SYK: variants seen among roughly 807,000 people sequenced by gnomAD.
The protein encoded by SYK is tyrosine-protein kinase SYK.
Under a neutral mutation model 77.8 loss-of-function variants are expected in SYK, and 16 were observed. That is an observed-to-expected ratio of 0.21 (90% CI 0.14 to 0.31). SYK has a LOEUF of 0.31. Ranked by LOEUF, SYK falls within the 10% of genes least tolerant of loss-of-function variation. The pLI is 1.00. For synonymous variants in SYK, 312 were observed against 308.7 expected (o/e 1.01, Z -0.11); for missense variants, 529 against 814.4 (o/e 0.65, Z 4.26).
intron 5 of SYK, 134 bp downstream of exon 5, chr9:90,864,801 G>A (rs546968203): frequency 1.4e-5 from 11 of 778,954 alleles, no homozygotes; most frequent in East Asian, 5.2e-5. Flanking sequence ...TGATATCAGA[G>A]CACTCCGATT....
chr9:90,865,042 A>G lies in SYK; in HGVS notation c.797-6A>G. ...AGCAGTAATTGTCCATGCTCTCTCT[A>G]ACCAGGAAATGTTAATTTTGGAGGC... On this transcript the variant is annotated splice_polypyrimidine_tract_variant and splice_region_variant and intron_variant, in intron 5 of 13. Coordinates refer to ENST00000375754, the MANE Select transcript of SYK (RefSeq NM_003177.7). 1.2e-6 allele frequency: 2 copies of G among 1,614,092 alleles called. No homozygotes were observed. The highest frequency in any genetic ancestry group is 1.7e-6 in the Non-Finnish European group (2 of 1,179,952).
At chr9:90,851,583 C>T (rs1452884536) in intron 3 of SYK, among the ~76,000 whole-genome samples, 2 of 152,026 alleles carry the variant, frequency 1.3e-5, no homozygotes, top group Non-Finnish European at 2.9e-5. Flanking sequence ...CTCCAGCCCA[C>T]GTTTGGTGGG....
chr9:90,873,400 A>G (rs888579118), intron 7 of SYK, among the ~76,000 whole-genome samples: 1 of 152,210 alleles, frequency 6.6e-6, no homozygotes, highest in Non-Finnish European at 1.5e-5. Context: ...TTTAGTAGCA[A>G]GAATCTTGTT....
chr9:90,875,949 A>G (rs1041121714), intron 9 of SYK, among the ~76,000 whole-genome samples: 12 of 152,184 alleles, frequency 7.9e-5, no homozygotes, highest in African/African-American at 2.9e-4. Flanking sequence ...GGTAATTTTT[A>G]TGATTCAAGG....
At chr9:90,836,547 A>C (rs2118555996) in intron 1 of SYK, among the ~76,000 whole-genome samples, 1 of 152,334 alleles carries the variant, frequency 6.6e-6, no homozygotes, top group African/African-American at 2.4e-5. Context: ...TTTCATAGCC[A>C]CTTCCTGTTG....
At chr9:90,828,149 G>A (rs1049438608) in intron 1 of SYK, among the ~76,000 whole-genome samples, 2 of 151,066 alleles carry the variant, frequency 1.3e-5, no homozygotes, top group Non-Finnish European at 1.5e-5. Flanking sequence ...CTGAAAGCGG[G>A]AAACTTCAGC....
chr9:90,880,257 A>G (rs1435154230), intron 11 of SYK, among the ~76,000 whole-genome samples: 1 of 152,192 alleles, frequency 6.6e-6, no homozygotes, highest in Non-Finnish European at 1.5e-5. Flanking sequence ...CGGCCAGCAA[A>G]GGGACTGCAT....
intron 13 of SYK, among the ~76,000 whole-genome samples, chr9:90,891,381 T>C (rs972378791): frequency 2.0e-5 from 3 of 151,998 alleles, no homozygotes; most frequent in Non-Finnish European, 4.4e-5. Context: ...TCTCCTGACC[T>C]CATGATCCGC....
intron 1 of SYK, among the ~76,000 whole-genome samples, chr9:90,822,623 G>A (rs1360175672): frequency 5.9e-5 from 9 of 152,208 alleles, no homozygotes; most frequent in Admixed American, 5.2e-4. Flanking sequence ...TGATGATTTA[G>A]TATAGTGCAC....
chr9:90,829,762 A>G (rs1489667149), intron 1 of SYK, among the ~76,000 whole-genome samples: 1 of 152,242 alleles, frequency 6.6e-6, no homozygotes, highest in Non-Finnish European at 1.5e-5. Context: ...AATGCACCAG[A>G]TGGGCTGGTT....
intron 3 of SYK, 23 bp from the exon 4 acceptor site, chr9:90,862,183 T>G (rs745732198): frequency 1.3e-6 from 2 of 1,589,536 alleles, no homozygotes; most frequent in East Asian, 4.5e-5. Context: ...CTGGGGATGA[T>G]GCAGTTCCAT....
intron 1 of SYK, among the ~76,000 whole-genome samples, chr9:90,829,288 C>CAA (rs201754721): frequency 7.2e-6 from 1 of 138,970 alleles, no homozygotes; most frequent in African/African-American, 2.6e-5. Context: ...GACTCCGTCT[C>CAA]AAAAAAAAAA....
chr9:90,888,561 G>A lies in SYK; in HGVS notation c.1769G>A (p.Arg590Gln), dbSNP rs748067972. ...ACCGCTATGTTAGAGAAAGGAGAGC[G>A]GATGGGGTGCCCTGCAGGGTGTCCA... is the stretch of plus-strand genomic sequence containing the variant. ...EVTAMLEKGE[R>Q]MGCPAGCPRE... is the part of the protein sequence containing the mutation. The change falls in exon 13 of 14, where the codon CGG becomes CAG. Residue 590 changes from arginine (R) to glutamine (Q), a missense_variant. Coordinates refer to ENST00000375754, the MANE Select transcript of SYK (RefSeq NM_003177.7). The A allele has an allele frequency of 1.9e-6, 3 of 1,612,948 alleles. No homozygotes were observed. The highest frequency in any genetic ancestry group is 2.2e-5 in the East Asian group (1 of 44,876).
At chr9:90,804,050 T>C (rs1478027079) in intron 1 of SYK, among the ~76,000 whole-genome samples, 1 of 152,204 alleles carries the variant, frequency 6.6e-6, no homozygotes, top group Non-Finnish European at 1.5e-5. Flanking sequence ...TCAGAGCTTT[T>C]TAGAGCTGCA....
In SYK at chr9:90,831,086, T is replaced by C. The variant is rs562358331; in HGVS notation, c.-41-12772T>C. On this transcript the variant is annotated intron_variant, in intron 1 of 13. Coordinates refer to ENST00000375754, the MANE Select transcript of SYK (RefSeq NM_003177.7). ...CTGATTTTTGTTCCCTTAAATGGTA[T>C]GGATTTGGCAACAATTGTTTGCAGG... Among the ~76,000 whole-genome samples the C allele has an allele frequency of 2.6e-5, 4 of 152,330 alleles. No individual in the cohort carries two copies. In the South Asian group the frequency reaches 6.2e-4, roughly 24 times the overall value.
chr9:90,863,050 G>A (rs1189879934), intron 4 of SYK, among the ~76,000 whole-genome samples: 1 of 152,166 alleles, frequency 6.6e-6, no homozygotes, highest in East Asian at 1.9e-4. Flanking sequence ...TCCCAATTTG[G>A]AAGTTCCTTA....
At chr9:90,814,791 A>G (rs1041639197) in intron 1 of SYK, among the ~76,000 whole-genome samples, 3 of 151,648 alleles carry the variant, frequency 2.0e-5, no homozygotes, top group African/African-American at 7.3e-5. Flanking sequence ...GGCCCTTTTC[A>G]TCCCCAAGGC....
At chr9:90,877,850 G>C (rs554893990) in intron 10 of SYK, 70 bp downstream of exon 10, 1 of 1,516,214 alleles carries the variant, frequency 6.6e-7, no homozygotes, top group African/African-American at 1.4e-5. Context: ...TGGATGGGCC[G>C]AGCAGCCTGA....
intron 1 of SYK, among the ~76,000 whole-genome samples, chr9:90,813,472 G>T (rs985283530): frequency 6.6e-6 from 1 of 152,150 alleles, no homozygotes; most frequent in East Asian, 1.9e-4. Context: ...CCTCTCTGGG[G>T]GCAGAGTGGT....
Sources: gnomAD v4.1 joint callset for allele counts (sites outside exome capture counted in the v4.1 genomes callset) on GRCh38, gnomAD v4.1.1 for gene constraint, MANE v1.5 for transcripts, NCBI Gene and HGNC (gene_info 2026-07-23, HGNC 2026-07-21) for gene names.